Variants in P3H2 observed in about 807,000 individuals in gnomAD.
P3H2 encodes the protein prolyl 3-hydroxylase 2.
A neutral mutation model predicts 87.0 loss-of-function variants in P3H2; 80 were observed. That is an observed-to-expected ratio of 0.92 (90% CI 0.77 to 1.11). The LOEUF is 1.11. Ranked by LOEUF, P3H2 falls within the 50% of genes least tolerant of loss-of-function variation. The pLI, the probability that P3H2 is intolerant of heterozygous loss-of-function variation, is 0.00. For synonymous variants in P3H2, 367 were observed against 359.3 expected (o/e 1.02, Z -0.24); for missense variants, 1,001 against 923.9 (o/e 1.08, Z -1.08).
intron 1 of P3H2, among the ~76,000 whole-genome samples, chr3:190,071,666 A>G (rs866886443): frequency 3.3e-5 from 5 of 152,166 alleles, no homozygotes; most frequent in African/African-American, 7.2e-5. Context: ...ATTGAAATCA[A>G]AAAGAAAAAG....
chr3:190,010,497 T>C (rs1724552033), intron 1 of P3H2, among the ~76,000 whole-genome samples: 2 of 152,042 alleles, frequency 1.3e-5, no homozygotes, highest in African/African-American at 4.8e-5. Flanking sequence ...TATTTGTTTG[T>C]TTTTGAGAAG....
At chr3:190,043,204 A>G in intron 1 of P3H2, among the ~76,000 whole-genome samples, 1 of 152,174 alleles carries the variant, frequency 6.6e-6, no homozygotes, top group Non-Finnish European at 1.5e-5. Flanking sequence ...CATTTATCAT[A>G]TTCCTAATTA....
Position 190,101,193 on chromosome 3 carries a change from T to G in P3H2, c.480+19059A>C, listed in dbSNP as rs79842095. On this transcript the variant is annotated intron_variant, in intron 1 of 14. Transcript: ENST00000319332. ...CCTGTCCCCTGAGACACAACAACAC[T>G]GAAATTAGGCCAATTAATAATCCCA... Among the ~76,000 whole-genome samples, 320 of 151,830 alleles carry G rather than the reference T, an allele frequency of 2.1e-3. 1 individual carries two copies. Among genetic ancestry groups the G allele is most frequent in the African/African-American group, 7.2e-3 (296 of 41,340 alleles).
chr3:190,043,149 C>CTGTGTG (rs3062150), intron 1 of P3H2, among the ~76,000 whole-genome samples: 5 of 150,888 alleles, frequency 3.3e-5, no homozygotes, highest in African/African-American at 7.4e-5. Flanking sequence ...ATAGAAGCGT[C>CTGTGTG]TGTGTGTGTG....
chr3:190,006,167 C>A (rs1164549578), intron 1 of P3H2, among the ~76,000 whole-genome samples: 1 of 152,124 alleles, frequency 6.6e-6, no homozygotes, highest in Non-Finnish European at 1.5e-5. Flanking sequence ...CTAAACATAT[C>A]GAGTAGCATC....
intron 1 of P3H2, among the ~76,000 whole-genome samples, chr3:190,068,460 A>G (rs1726585243): frequency 1.3e-5 from 2 of 152,184 alleles, no homozygotes; most frequent in Non-Finnish European, 2.9e-5. Flanking sequence ...GTTGGTGGGA[A>G]GTTACCCCAC....
intron 1 of P3H2, among the ~76,000 whole-genome samples, chr3:190,005,601 G>A (rs1019770061): frequency 2.0e-5 from 3 of 152,174 alleles, no homozygotes; most frequent in Admixed American, 6.5e-5. Context: ...AAGCAAACAA[G>A]TAAATCAAAA....
chr3:189,968,026 T>C (rs892784309), intron 13 of P3H2, among the ~76,000 whole-genome samples: 1 of 152,210 alleles, frequency 6.6e-6, no homozygotes, highest in Non-Finnish European at 1.5e-5. Context: ...TTGAAGTTTA[T>C]CACATACATG....
intron 14 of P3H2, among the ~76,000 whole-genome samples, chr3:189,960,227 AC>A (rs1451559728): frequency 1.3e-5 from 2 of 152,064 alleles, no homozygotes; most frequent in East Asian, 3.9e-4. Context: ...TGCCGCTCCT[AC>A]CCTTTCACTC....
intron 2 of P3H2, among the ~76,000 whole-genome samples, chr3:189,994,745 A>G (rs1723995062): frequency 6.8e-6 from 1 of 146,380 alleles, no homozygotes; most frequent in Non-Finnish European, 1.5e-5. Context: ...GAGAATGGTG[A>G]TGTCAAAAAT....
chr3:190,040,638 C>T (rs1725577181), intron 1 of P3H2, among the ~76,000 whole-genome samples: 2 of 152,104 alleles, frequency 1.3e-5, no homozygotes, highest in Admixed American at 1.3e-4. Flanking sequence ...AAGTCATTTA[C>T]ATCTTCTGAT....
At chr3:190,048,189 C>T (rs574166722) in intron 1 of P3H2, among the ~76,000 whole-genome samples, 1 of 152,226 alleles carries the variant, frequency 6.6e-6, no homozygotes, top group South Asian at 2.1e-4. Flanking sequence ...TTAAAAATGG[C>T]TTCTGCTAAC....
intron 1 of P3H2, among the ~76,000 whole-genome samples, chr3:190,114,079 CAA>C (rs1220002187): frequency 0.22 from 17,074 of 78,666 alleles, 1,122 homozygotes; most frequent in East Asian, 0.25. Flanking sequence ...GACTCCGTCT[CAA>C]AAAAAAAAAA....
chr3:189,964,211 AG>A (rs1230193283), intron 13 of P3H2, 113 bp from the exon 14 acceptor site: 1 of 983,486 alleles, frequency 1.0e-6, no homozygotes, highest in East Asian at 2.4e-5. Flanking sequence ...CGAAGAATAA[AG>A]GAATCCTGGG....
At chr3:190,065,714 T>A (rs1042913233) in intron 1 of P3H2, among the ~76,000 whole-genome samples, 2 of 152,188 alleles carry the variant, frequency 1.3e-5, no homozygotes, top group Non-Finnish European at 2.9e-5. Context: ...TCTGCCTCTG[T>A]TACCAAGATA....
At chr3:190,053,480 C>T (rs1726048858) in intron 1 of P3H2, among the ~76,000 whole-genome samples, 1 of 145,028 alleles carries the variant, frequency 6.9e-6, no homozygotes, top group Admixed American at 7.0e-5. Flanking sequence ...GATGGAGTTC[C>T]ACTCTTGTCA....
At chr3:190,061,723 T>C (rs565092590) in intron 1 of P3H2, among the ~76,000 whole-genome samples, 1 of 152,290 alleles carries the variant, frequency 6.6e-6, no homozygotes, top group East Asian at 1.9e-4. Context: ...AGATACCATG[T>C]ACTGTCCTAA....
At position 189,971,978 on chromosome 3, in the gene P3H2, G is replaced by C. The variant is rs746458387; in HGVS notation, c.1729C>G (p.His577Asp). ...AAACAGTTGTCAGCATGGATGGGATGACTGAGGTCATTTCTTCTATCCTGC... is the reference window on the plus strand; with the variant it reads ...AAACAGTTGTCAGCATGGATGGGATCACTGAGGTCATTTCTTCTATCCTGC... ...GQQDRRNDLSHPIHADNCLLD... is the reference protein window; with the variant it reads ...GQQDRRNDLSDPIHADNCLLD... Residue 577 changes from histidine (H) to aspartate (D), a missense_variant, in exon 12 of 15, where the codon CAT becomes GAT. His to Asp is a moderately conservative substitution (Grantham distance 81). Coordinates refer to ENST00000319332, the MANE Select transcript of P3H2 (RefSeq NM_018192.4). 1.9e-6 allele frequency: 3 copies of C among 1,612,938 alleles called. No individual in the cohort carries two copies. Among genetic ancestry groups the C allele is most frequent in the South Asian group, 1.1e-5 (1 of 91,024 alleles).
At chr3:190,080,044 T>A (rs1169986722) in intron 1 of P3H2, among the ~76,000 whole-genome samples, 1 of 152,220 alleles carries the variant, frequency 6.6e-6, no homozygotes, top group African/African-American at 2.4e-5. Flanking sequence ...TTTCCCTTAT[T>A]AAGTAGAGGC....
Sources: allele counts gnomAD v4.1 joint callset (sites outside exome capture counted in the v4.1 genomes callset), GRCh38; gene constraint gnomAD v4.1.1; transcripts MANE v1.5; gene names NCBI Gene and HGNC (gene_info 2026-07-23, HGNC 2026-07-21).